SRGAP1: variants seen among roughly 807,000 people sequenced by gnomAD.
The protein encoded by SRGAP1 is SLIT-ROBO Rho GTPase-activating protein 1.
Under a neutral mutation model 121.9 loss-of-function variants are expected in SRGAP1, and 43 were observed. The ratio of observed to expected loss-of-function variants is 0.35; its 90% CI spans 0.28 to 0.46. The LOEUF is 0.46. SRGAP1 is among the 20% of genes least tolerant of loss of function. The pLI is 1.00. For synonymous variants in SRGAP1, 447 were observed against 485.4 expected (o/e 0.92, Z 1.04); for missense variants, 1,102 against 1,350.9 (o/e 0.82, Z 2.89).
At chr12:64,100,284 G>A (rs1281245520) in intron 15 of SRGAP1, among the ~76,000 whole-genome samples, 2 of 152,120 alleles carry the variant, frequency 1.3e-5, no homozygotes, top group African/African-American at 2.4e-5. Context: ...AAATATTTGT[G>A]TTATCCTCAA....
At chr12:63,974,235 GA>G (rs959453456) in intron 1 of SRGAP1, among the ~76,000 whole-genome samples, 1 of 150,614 alleles carries the variant, frequency 6.6e-6, no homozygotes. Context: ...GCTTTCATAT[GA>G]AAAAAAAAGT....
chr12:64,050,462 A>G (rs1329292601), intron 6 of SRGAP1, among the ~76,000 whole-genome samples: 4 of 152,262 alleles, frequency 2.6e-5, no homozygotes, highest in South Asian at 2.1e-4. Flanking sequence ...GTCCCTATAT[A>G]TACACATTTT....
At chr12:63,899,076 T>C (rs575638606) in intron 1 of SRGAP1, among the ~76,000 whole-genome samples, 4 of 152,242 alleles carry the variant, frequency 2.6e-5, no homozygotes, top group Non-Finnish European at 5.9e-5. Flanking sequence ...GTTTACCTTC[T>C]CAAAAATAGA....
chr12:64,016,525 G>GT, intron 3 of SRGAP1, among the ~76,000 whole-genome samples: 1 of 152,112 alleles, frequency 6.6e-6, no homozygotes, highest in East Asian at 1.9e-4. Context: ...TAAACTTGTT[G>GT]TGAGTCACAT....
intron 11 of SRGAP1, among the ~76,000 whole-genome samples, chr12:64,087,956 T>G (rs1237843576): frequency 1.3e-5 from 2 of 152,200 alleles, no homozygotes; most frequent in East Asian, 3.8e-4. Context: ...GGAAAGTTTG[T>G]GGCAACTTTT....
chr12:64,078,248 C>A (rs993347002), intron 8 of SRGAP1, among the ~76,000 whole-genome samples: 1 of 152,012 alleles, frequency 6.6e-6, no homozygotes, highest in African/African-American at 2.4e-5. Context: ...CAGCATTATT[C>A]AAAATAGCCC....
intron 6 of SRGAP1, among the ~76,000 whole-genome samples, chr12:64,048,507 G>T (rs2035177571): frequency 1.3e-5 from 2 of 151,952 alleles, no homozygotes; most frequent in African/African-American, 2.4e-5. Flanking sequence ...CTTTCTTTTG[G>T]GTGTATACCT....
chr12:64,038,785 T>C (rs1298372020), intron 4 of SRGAP1: 3 of 152,184 alleles, frequency 2.0e-5, no homozygotes, highest in Non-Finnish European at 4.4e-5. Flanking sequence ...ATTAGGTGTA[T>C]TGAATGGAGA....
At chr12:64,064,566 C>T (rs952275416) in intron 7 of SRGAP1, among the ~76,000 whole-genome samples, 8 of 152,100 alleles carry the variant, frequency 5.3e-5, no homozygotes, top group Admixed American at 2.6e-4. Flanking sequence ...TCCTTGTGTA[C>T]GTTGTCTCAT....
chr12:64,124,145 TA>T (rs2036651147), intron 18 of SRGAP1, among the ~76,000 whole-genome samples: 2 of 152,256 alleles, frequency 1.3e-5, no homozygotes, highest in African/African-American at 2.4e-5. Context: ...AGGGCCTTTA[TA>T]TAATAAGGTG....
At chr12:63,847,167 T>C (rs1044842368) in intron 1 of SRGAP1, among the ~76,000 whole-genome samples, 2 of 150,900 alleles carry the variant, frequency 1.3e-5, no homozygotes, top group African/African-American at 4.9e-5. Flanking sequence ...AAACCACATC[T>C]TTACCAAAAA....
At position 64,144,072 on chromosome 12, in the gene SRGAP1, C is replaced by T. The variant is rs2037010754; in HGVS notation, c.*1400C>T. The T allele has an allele frequency of 6.6e-6, 1 of 152,232 alleles. No individual in the cohort carries two copies. The highest frequency in any genetic ancestry group is 1.5e-5 in the Non-Finnish European group (1 of 68,046). 9.4% of individuals were successfully genotyped at this position (152,232 alleles called of 1,614,324 possible). On this transcript the variant is annotated 3_prime_UTR_variant, in exon 22 of 22. Coordinates refer to ENST00000355086, the MANE Select transcript of SRGAP1 (RefSeq NM_020762.4). Reference sequence around the variant, plus strand: ...TTGGAGACCCTCTTTCTCTGGCATCCTAGCACACAGGCAATTTTTTAAGCC... The same window carrying T: ...TTGGAGACCCTCTTTCTCTGGCATCTTAGCACACAGGCAATTTTTTAAGCC...
intron 8 of SRGAP1, among the ~76,000 whole-genome samples, chr12:64,073,777 TA>T (rs565019751): frequency 3.0e-4 from 43 of 144,948 alleles, no homozygotes; most frequent in South Asian, 6.5e-4. Flanking sequence ...ACAGAATCCA[TA>T]AAAAAAAAAA....
chr12:64,105,488 A>G (rs964329080), intron 15 of SRGAP1, among the ~76,000 whole-genome samples: 1 of 152,220 alleles, frequency 6.6e-6, no homozygotes, highest in Non-Finnish European at 1.5e-5. Flanking sequence ...TTGAATTAAG[A>G]TTAAACTTCT....
chr12:63,906,215 C>A (rs1214468499), intron 1 of SRGAP1, among the ~76,000 whole-genome samples: 1 of 152,244 alleles, frequency 6.6e-6, no homozygotes, highest in East Asian at 1.9e-4. Context: ...GTCAGTAGTT[C>A]ATTTCTTTTA....
intron 4 of SRGAP1, among the ~76,000 whole-genome samples, chr12:64,018,334 G>A (rs911076052): frequency 2.6e-5 from 4 of 151,994 alleles, no homozygotes; most frequent in Non-Finnish European, 2.9e-5. Context: ...CATGTGATCC[G>A]CCCATCTCAG....
Position 64,142,498 on chromosome 12 carries a change from G to A in SRGAP1, c.3084G>A (p.Thr1028=), listed in dbSNP as rs34706041. The change falls in exon 22 of 22, where the codon ACG becomes ACA. Residue 1028 remains threonine, a synonymous_variant. Transcript: ENST00000355086. The stretch of plus-strand genomic sequence containing the variant: ...CCGAGCCTCAGATTCGACGTAGCAC[G>A]AGCTCCTCCAGTGACACAATGAGTA... The part of the protein sequence containing the change: ...RSSEPQIRRS[T]SSSSDTMSTF... 460 of 1,614,128 alleles carry A rather than the reference G, an allele frequency of 2.8e-4. 3 individuals carry two copies. The African/African-American group carries it at 5.3e-3, about 19-fold the overall frequency.
At chr12:63,905,859 G>C (rs1027296008) in intron 1 of SRGAP1, among the ~76,000 whole-genome samples, 2 of 152,146 alleles carry the variant, frequency 1.3e-5, no homozygotes, top group African/African-American at 4.8e-5. Context: ...TGCTCAGTGC[G>C]CTATATTTAA....
At chr12:63,871,634 T>A in intron 1 of SRGAP1, 1 of 561,090 alleles carries the variant, frequency 1.8e-6, no homozygotes. Flanking sequence ...GTTTTTCTTT[T>A]TTCTTTTTTT....
Sources: allele counts gnomAD v4.1 joint callset (sites outside exome capture counted in the v4.1 genomes callset), GRCh38; gene constraint gnomAD v4.1.1; transcripts MANE v1.5; gene names NCBI Gene and HGNC (gene_info 2026-07-23, HGNC 2026-07-21).